APTX: variants seen among roughly 807,000 people sequenced by gnomAD.
APTX encodes the protein aprataxin.
APTX carries 33 observed loss-of-function variants against 42.3 expected under a neutral mutation model. The observed-to-expected ratio is 0.78, with a 90% CI of 0.59 to 1.04. The LOEUF is 1.04. Among genes scored for constraint, APTX ranks in the 50% least tolerant of loss-of-function variants. The pLI is 0.00. For missense variants in APTX, 421 were observed against 415.1 expected (o/e 1.01, Z -0.12); for synonymous variants, 130 against 146.7 (o/e 0.89, Z 0.82).
chr9:32,987,915 T>A, intron 3 of APTX, 69 bp from the exon 4 acceptor site: 1 of 1,576,220 alleles, frequency 6.3e-7, no homozygotes, highest in Non-Finnish European at 8.7e-7. Context: ...TAGCCACTGC[T>A]ATGTTAACCA....
At chr9:33,018,739 C>T (rs1315115549) in intron 1 of APTX, among the ~76,000 whole-genome samples, 3 of 151,680 alleles carry the variant, frequency 2.0e-5, no homozygotes, top group African/African-American at 4.8e-5. Context: ...ATTAGCCAGG[C>T]GTGGTGGCAG....
chr9:33,013,949 A>C (rs10971315), intron 1 of APTX, among the ~76,000 whole-genome samples: 10,725 of 152,276 alleles, frequency 0.07, 506 homozygotes, highest in Non-Finnish European at 0.11. Flanking sequence ...AGGGCTGTAA[A>C]TCTGGCAGCT....
chr9:33,013,372 T>C (rs1837670352), intron 1 of APTX, among the ~76,000 whole-genome samples: 1 of 152,200 alleles, frequency 6.6e-6, no homozygotes, highest in Non-Finnish European at 1.5e-5. Flanking sequence ...TACAATGCCT[T>C]TCCCAGTTTC....
At position 32,983,006 on chromosome 9, in the gene APTX, G is replaced by A. The variant is rs1036413436; in HGVS notation, c.770+1625C>T. ...GTTGCCCAGGCTGGAGTACAATGGC[G>A]TGATCATAGCTTACTGTAGCCTCAA... On this transcript the variant is annotated intron_variant, in intron 6 of 7. Transcript: ENST00000379817. Among the ~76,000 whole-genome samples the A allele has an allele frequency of 6.6e-5, 10 of 151,656 alleles. No homozygotes were observed. The East Asian group carries it at 1.9e-3, about 29-fold the overall frequency.
intron 1 of APTX, among the ~76,000 whole-genome samples, chr9:32,993,987 G>A (rs1391804267): frequency 6.6e-6 from 1 of 152,132 alleles, no homozygotes; most frequent in Non-Finnish European, 1.5e-5. Flanking sequence ...CCAAAGTGCT[G>A]GGATTACAGG....
chr9:33,012,657 G>C (rs928734980), intron 1 of APTX, among the ~76,000 whole-genome samples: 2 of 152,122 alleles, frequency 1.3e-5, no homozygotes, highest in African/African-American at 2.4e-5. Flanking sequence ...TTGGAAGTGG[G>C]TCCTCCAGCC....
chr9:32,991,642 T>TGTG (rs941917366), intron 1 of APTX, among the ~76,000 whole-genome samples: 17 of 152,006 alleles, frequency 1.1e-4, no homozygotes, highest in African/African-American at 3.6e-4. Flanking sequence ...ATTAGCCAGG[T>TGTG]GTGGTGGCAG....
At chr9:32,983,145 AG>A in intron 6 of APTX, among the ~76,000 whole-genome samples, 1 of 152,208 alleles carries the variant, frequency 6.6e-6, no homozygotes, top group Middle Eastern at 3.4e-3. Flanking sequence ...CATGTTGCCC[AG>A]ACTGGGATCC....
At chr9:33,019,813 G>A in intron 1 of APTX, 2 of 640,564 alleles carry the variant, frequency 3.1e-6, no homozygotes, top group Non-Finnish European at 5.4e-6. Flanking sequence ...CAGCTTTCCA[G>A]CGGACGGCCA....
At chr9:32,996,050 G>T (rs1040094641) in intron 1 of APTX, among the ~76,000 whole-genome samples, 3 of 152,042 alleles carry the variant, frequency 2.0e-5, no homozygotes, top group Non-Finnish European at 4.4e-5. Flanking sequence ...TTTTAGCAAA[G>T]TACTTTTAAT....
chr9:33,018,387 G>A lies in APTX; in HGVS notation c.-5+6636C>T, dbSNP rs894176406. ...TTTTGAGACCAGCCTGGCCAACATG[G>A]TGAAACCCCGTCTCTACTAAAAATA... On this transcript the variant is annotated intron_variant, in intron 1 of 6. Transcript: ENST00000436040. Among the ~76,000 whole-genome samples the A allele has an allele frequency of 1.9e-4, 29 of 151,838 alleles. No individual in the cohort carries two copies. The Middle Eastern group carries it at 0.01, about 53-fold the overall frequency.
At chr9:33,001,241 C>G in intron 1 of APTX, 2 of 1,332,066 alleles carry the variant, frequency 1.5e-6, no homozygotes, top group South Asian at 2.7e-5. Context: ...GGCGGAAACG[C>G]TGCCCTTCCC....
chr9:32,973,153 A>G lies in APTX; in HGVS notation c.*345T>C, dbSNP rs781025624. 4.2e-5 allele frequency: 20 copies of G among 472,524 alleles called. No individual in the cohort carries two copies. Among genetic ancestry groups the G allele is most frequent in the South Asian group, 3.1e-4 (20 of 64,662 alleles). 29.3% of individuals were successfully genotyped at this position (472,524 alleles called of 1,614,324 possible). On this transcript the variant is annotated 3_prime_UTR_variant, in exon 8 of 8. Transcript: ENST00000379817. ...CAGAGGCGGAGGATAAATCTAAGAA[A>G]CAGAAATGTATAACCAGCCCAATGC...
intron 6 of APTX, among the ~76,000 whole-genome samples, chr9:32,976,940 GA>G (rs767711330): frequency 2.2e-4 from 33 of 152,084 alleles, no homozygotes; most frequent in Non-Finnish European, 2.2e-4. Context: ...GTACAATTTA[GA>G]TAAGCTGGTC....
At chr9:33,004,794 G>T (rs951128401), upstream of APTX, among the ~76,000 whole-genome samples, 18 of 146,166 alleles carry the variant, frequency 1.2e-4, no homozygotes, top group Non-Finnish European at 2.4e-4. Flanking sequence ...CACCACACCC[G>T]GGTAATTTTT....
At chr9:32,987,319 C>T (rs1354670249) in intron 4 of APTX, among the ~76,000 whole-genome samples, 2 of 152,214 alleles carry the variant, frequency 1.3e-5, no homozygotes, top group Admixed American at 6.5e-5. Context: ...GTTAAGTACA[C>T]ACTGCCATTA....
At chr9:32,998,917 T>C (rs1437727833) in intron 1 of APTX, among the ~76,000 whole-genome samples, 1 of 151,032 alleles carries the variant, frequency 6.6e-6, no homozygotes. Flanking sequence ...CAGTTTTTCA[T>C]TGTTTATATG....
At chr9:32,995,587 TA>T (rs1007991612) in intron 1 of APTX, among the ~76,000 whole-genome samples, 10 of 152,100 alleles carry the variant, frequency 6.6e-5, no homozygotes, top group African/African-American at 1.9e-4. Context: ...TAATGAACAT[TA>T]CCAAAACGCC....
intron 1 of APTX, among the ~76,000 whole-genome samples, chr9:32,995,140 ATCAAGGAGTAATTCTGACTT>A (rs1398274997): frequency 1.3e-5 from 2 of 152,256 alleles, no homozygotes; most frequent in Non-Finnish European, 2.9e-5. Flanking sequence ...CAGCCCATGG[ATCAAGGAGTAATTCTGACTT>A]TCAAGTGTTA....
Sources: gnomAD v4.1 joint callset for allele counts (sites outside exome capture counted in the v4.1 genomes callset) on GRCh38, gnomAD v4.1.1 for gene constraint, MANE v1.5 for transcripts, NCBI Gene and HGNC (gene_info 2026-07-23, HGNC 2026-07-21) for gene names.